UBAP2: variants seen among roughly 807,000 people sequenced by gnomAD.
The protein encoded by UBAP2 is ubiquitin-associated protein 2.
UBAP2 carries 75 observed loss-of-function variants against 139.6 expected under a neutral mutation model. The observed-to-expected ratio is 0.54, with a 90% confidence interval of 0.45 to 0.65. UBAP2 has a LOEUF of 0.65. Ranked by LOEUF, UBAP2 falls within the 30% of genes least tolerant of loss-of-function variation. UBAP2 has a pLI of 0.00. For synonymous variants in UBAP2, 526 were observed against 526.2 expected (o/e 1.00, Z 0.01); for missense variants, 1,368 against 1,369.6 (o/e 1.00, Z 0.02).
chr9:34,020,150 T>TAA (rs1174976366), intron 1 of UBAP2, among the ~76,000 whole-genome samples: 1,309 of 126,922 alleles, frequency 0.01, 24 homozygotes, highest in African/African-American at 0.036. Flanking sequence ...ACTCCATTAT[T>TAA]AAAAAAAAAA....
Position 33,973,483 on chromosome 9 carries a change from A to G in UBAP2, c.521-246T>C, listed in dbSNP as rs189635992. 2.6e-5 allele frequency among the ~76,000 whole-genome samples: 4 copies of G among 152,354 alleles called. No individual in the cohort carries two copies. In the East Asian group the frequency reaches 7.7e-4, roughly 29 times the overall value. ...ATTATATTTGTGGTATTTGACAGCTAAACACAGGGAGGTTGTATTATAAAA... is the reference window on the plus strand; with the variant it reads ...ATTATATTTGTGGTATTTGACAGCTGAACACAGGGAGGTTGTATTATAAAA... On this transcript the variant is annotated intron_variant, in intron 6 of 28. Transcript: ENST00000379238.
chr9:33,974,996 TATACAAATGACCAA>T (rs1196451717), intron 6 of UBAP2, among the ~76,000 whole-genome samples: 18 of 151,784 alleles, frequency 1.2e-4, no homozygotes, highest in Non-Finnish European at 2.1e-4. Context: ...CCAAAGAAGA[TATACAAATGACCAA>T]TAAACACATT....
At chr9:33,999,377 C>CA (rs1214274725) in intron 2 of UBAP2, among the ~76,000 whole-genome samples, 7 of 148,810 alleles carry the variant, frequency 4.7e-5, no homozygotes, top group Non-Finnish European at 8.9e-5. Flanking sequence ...AGTTGGTAGG[C>CA]AAAAAATAAT....
chr9:34,028,026 T>C (rs1825560627), intron 1 of UBAP2, among the ~76,000 whole-genome samples: 1 of 151,510 alleles, frequency 6.6e-6, no homozygotes, highest in Non-Finnish European at 1.5e-5. Flanking sequence ...GCTTGTACCC[T>C]GCATGCCAGG....
intron 6 of UBAP2, among the ~76,000 whole-genome samples, chr9:33,979,923 A>G (rs1030984456): frequency 6.7e-6 from 1 of 149,950 alleles, no homozygotes; most frequent in African/African-American, 2.5e-5. Context: ...AATACAAAAA[A>G]TTAGCCGGGC....
intron 1 of UBAP2, among the ~76,000 whole-genome samples, chr9:34,035,514 A>AATATAT (rs1554692782): frequency 8.9e-5 from 2 of 22,492 alleles, no homozygotes; most frequent in South Asian, 9.7e-4. Context: ...AAAAAAAAAA[A>AATATAT]ATATATATAT....
At chr9:33,992,058 C>G (rs374241551) in intron 4 of UBAP2, among the ~76,000 whole-genome samples, 16 of 152,120 alleles carry the variant, frequency 1.1e-4, no homozygotes, top group African/African-American at 3.6e-4. Context: ...TCCAGACCAC[C>G]CTGGCCAACA....
At position 33,954,783 on chromosome 9, in the gene UBAP2, AC is replaced by A. The variant is rs201080426; in HGVS notation, c.866+1295del. On this transcript the variant is annotated intron_variant, in intron 11 of 28. Coordinates refer to ENST00000379238, the MANE Select transcript of UBAP2 (RefSeq NM_001370062.2). ...ACTCCAAACAATCTCAAAACAATAT[AC>A]TATAAGACATAATCATTAATCATTT... Among the ~76,000 whole-genome samples the A allele has an allele frequency of 2.7e-4, 41 of 152,318 alleles. No homozygotes were observed. The East Asian group carries it at 7.5e-3, about 28-fold the overall frequency.
intron 12 of UBAP2, among the ~76,000 whole-genome samples, chr9:33,949,450 C>G (rs1459528327): frequency 6.6e-6 from 1 of 152,082 alleles, no homozygotes; most frequent in Non-Finnish European, 1.5e-5. Flanking sequence ...CACCTGTAAC[C>G]CCAGCACTTT....
intron 12 of UBAP2, among the ~76,000 whole-genome samples, chr9:33,949,499 T>TA (rs1157951471): frequency 1.3e-5 from 2 of 152,206 alleles, no homozygotes; most frequent in East Asian, 1.9e-4. Flanking sequence ...GGTCAGGAGT[T>TA]AGAGACCAGC....
rs1392667723 is a variant in UBAP2, at chr9:33,996,344, T to C, written c.178-11A>G. 1 of 1,599,348 alleles carries C rather than the reference T, an allele frequency of 6.3e-7. No homozygotes were observed. The highest frequency in any genetic ancestry group is 1.7e-5 in the Admixed American group (1 of 59,784). On this transcript the variant is annotated splice_polypyrimidine_tract_variant and intron_variant, in intron 3 of 28. Transcript: ENST00000379238. ...TGTCACTTCCATAAGCTAGTGAACA[T>C]ATCAGAAAATGGTTAGAGGCAAACA...
intron 6 of UBAP2, among the ~76,000 whole-genome samples, chr9:33,974,290 T>C (rs1828130818): frequency 6.6e-6 from 1 of 150,864 alleles, no homozygotes; most frequent in Non-Finnish European, 1.5e-5. Flanking sequence ...GTTGGACTGC[T>C]TCAGCTCAGG....
rs1825042230 is a variant in UBAP2 at position 34,022,455 on chromosome 9, T to TA, written c.-41-5267dup. Among the ~76,000 whole-genome samples, 6 of 141,882 alleles carry TA rather than the reference T, an allele frequency of 4.2e-5. No homozygotes were observed. In the East Asian group the frequency reaches 1.2e-3, roughly 28 times the overall value. 93.1% of individuals were successfully genotyped at this position (141,882 alleles called of 152,430 possible). ...CCCCTTTTTTTTTTTTTTTTTTTTT[T>TA]AAGACACAGTCTGGCTTTGTTGCCC... On this transcript the variant is annotated intron_variant, in intron 1 of 28. Transcript: ENST00000379238.
At chr9:34,045,873 G>GATT (rs1480523727) in intron 1 of UBAP2, among the ~76,000 whole-genome samples, 1 of 152,120 alleles carries the variant, frequency 6.6e-6, no homozygotes, top group Non-Finnish European at 1.5e-5. Flanking sequence ...CTACCACAAA[G>GATT]ATTACATGGT....
At chr9:33,950,435 T>G (rs940215740) in intron 12 of UBAP2, among the ~76,000 whole-genome samples, 7 of 152,220 alleles carry the variant, frequency 4.6e-5, no homozygotes, top group Non-Finnish European at 7.3e-5. Context: ...TCAAGTAAGT[T>G]GAAACAATTA....
intron 2 of UBAP2, among the ~76,000 whole-genome samples, chr9:34,015,973 C>T (rs1293940597): frequency 6.6e-6 from 1 of 152,160 alleles, no homozygotes; most frequent in Non-Finnish European, 1.5e-5. Context: ...CCAGCAAAGG[C>T]AGCTTTTTAA....
intron 20 of UBAP2, 119 bp from the exon 21 acceptor site, chr9:33,927,199 G>A (rs1823516982): frequency 1.4e-6 from 1 of 702,752 alleles, no homozygotes; most frequent in African/African-American, 1.8e-5. Context: ...AAGAAGGGCA[G>A]TGGCCGAATG....
chr9:33,980,435 G>T (rs1326645808), intron 6 of UBAP2, among the ~76,000 whole-genome samples: 1 of 150,270 alleles, frequency 6.7e-6, no homozygotes, highest in Non-Finnish European at 1.5e-5. Context: ...TAGAGACAGG[G>T]TTTCACCGTG....
intron 8 of UBAP2, chr9:33,968,182 T>G: frequency 1.6e-6 from 1 of 611,784 alleles, no homozygotes; most frequent in East Asian, 4.0e-5. Flanking sequence ...TACTGGGTTT[T>G]GGGATATTTG....
Sources: gnomAD v4.1 joint callset for allele counts (sites outside exome capture counted in the v4.1 genomes callset) on GRCh38, gnomAD v4.1.1 for gene constraint, MANE v1.5 for transcripts, NCBI Gene and HGNC (gene_info 2026-07-23, HGNC 2026-07-21) for gene names.